GANAB: variants seen among roughly 807,000 people sequenced by gnomAD.
GANAB encodes neutral alpha-glucosidase AB.
In GANAB, 35 loss-of-function variants were observed where a neutral mutation model predicts 129.9. The observed-to-expected ratio is 0.27, with a 90% confidence interval of 0.21 to 0.36. The LOEUF (loss-of-function observed/expected upper bound fraction) is 0.36. Among genes scored for constraint, GANAB ranks in the 10% least tolerant of loss-of-function variants. GANAB has a pLI of 1.00. For synonymous variants in GANAB, 482 were observed against 451.8 expected (o/e 1.07, Z -0.85); for missense variants, 939 against 1,221.0 (o/e 0.77, Z 3.44).
rs144878767 is a variant in GANAB at position 62,645,896 on chromosome 11, G to A, written c.38+666C>T. Among the ~76,000 whole-genome samples, 150 of 152,306 alleles carry A rather than the reference G, an allele frequency of 9.8e-4. 1 individual carries two copies. The East Asian group carries it at 0.022, about 22-fold the overall frequency. On this transcript the variant is annotated intron_variant, in intron 1 of 23. Transcript: ENST00000356638. ...CCTAGTAAACATTTGTGGCACTGGT[G>A]ATATGTTTCGAATCTTTTTTTTTCC...
At chr11:62,629,709 T>C (rs1240504894) in intron 14 of GANAB, 25 bp from the exon 15 acceptor site, 4 of 1,604,420 alleles carry the variant, frequency 2.5e-6, no homozygotes, top group East Asian at 2.2e-5. Context: ...AAGAGACGGG[T>C]AGTGAGGAGC....
In GANAB at chr11:62,646,588, T is replaced by C; in HGVS notation, c.12A>G (p.Val4=). 3 of 1,613,866 alleles carry C rather than the reference T, an allele frequency of 1.9e-6. No individual in the cohort carries two copies. The highest frequency in any genetic ancestry group is 1.7e-6 in the Non-Finnish European group (2 of 1,179,928). Residue 4 remains valine, a synonymous_variant, in exon 1 of 24, where the codon GTA becomes GTG. Transcript: ENST00000356638. ...GCCTCCTACGCGCCGCCACTGCCGC[T>C]ACCGCCGCCATCTTGTGCAGAGTTT... MAA[V]AAVAARRRRS...
chr11:62,632,882 G>T, intron 8 of GANAB, 123 bp downstream of exon 8: 2 of 974,728 alleles, frequency 2.1e-6, no homozygotes, highest in Non-Finnish European at 3.3e-6. Flanking sequence ...ATCACCAAAG[G>T]TGATTCTGGA....
chr11:62,640,228 CAAAAAAAAAAAAA>C (rs869051826), intron 1 of GANAB, among the ~76,000 whole-genome samples: 1 of 28,022 alleles, frequency 3.6e-5, no homozygotes, highest in East Asian at 2.6e-3. Flanking sequence ...CAGAGCTAGA[CAAAAAAAAAAAAA>C]AAAAAAAAAA....
At chr11:62,634,738 C>A in intron 5 of GANAB, 83 bp downstream of exon 5, 1 of 1,158,770 alleles carries the variant, frequency 8.6e-7, no homozygotes, top group Non-Finnish European at 1.3e-6. Flanking sequence ...TGTCCCACCA[C>A]CGTCTCCTCC....
rs1943602878 is a variant in GANAB at position 62,630,252 on chromosome 11, G to A, written c.1538C>T (p.Thr513Ile). ...WPGSAGYPDF[T>I]NPTMRAWWAN... ...CCACCAGGCCCTCATCGTGGGATTA[G>A]TGAAGTCAGGGTAACCAGCTGAGCC... is the stretch of plus-strand genomic sequence containing the variant. Residue 513 changes from threonine to isoleucine, a missense_variant, in exon 13 of 24, where the codon ACT becomes ATT. Transcript: ENST00000356638. The A allele has an allele frequency of 6.2e-7, 1 of 1,613,758 alleles. No homozygotes were observed. The highest frequency in any genetic ancestry group is 8.5e-7 in the Non-Finnish European group (1 of 1,179,762).
At chr11:62,626,500 C>T (rs1943382017) in intron 21 of GANAB, 53 bp from the exon 22 acceptor site, 1 of 1,506,590 alleles carries the variant, frequency 6.6e-7, no homozygotes, top group East Asian at 2.3e-5. Flanking sequence ...GAGTGAGGGG[C>T]ACAACCCCAG....
intron 1 of GANAB, among the ~76,000 whole-genome samples, chr11:62,645,040 A>C (rs1476329040): frequency 1.3e-5 from 2 of 151,916 alleles, no homozygotes; most frequent in Non-Finnish European, 2.9e-5. Context: ...GTACGAAACA[A>C]CTGTTCCACA....
intron 5 of GANAB, chr11:62,634,246 A>C: frequency 8.9e-7 from 1 of 1,119,924 alleles, no homozygotes; most frequent in South Asian, 1.2e-5. Context: ...CTCCCCCCAA[A>C]GGCTAGAGTG....
At chr11:62,632,850 G>T in intron 8 of GANAB, 105 bp from the exon 9 acceptor site, 2 of 1,069,630 alleles carry the variant, frequency 1.9e-6, no homozygotes, top group Non-Finnish European at 2.8e-6. Context: ...GGCTCCTCTT[G>T]TCCTTTCTCA....
intron 17 of GANAB, 48 bp downstream of exon 17, chr11:62,628,720 AC>A: frequency 6.3e-7 from 1 of 1,595,026 alleles, no homozygotes; most frequent in Non-Finnish European, 8.6e-7. Flanking sequence ...AGTCCCTAAT[AC>A]CCCCAGCCAC....
At chr11:62,636,219 G>C (rs1943932701) in intron 4 of GANAB, among the ~76,000 whole-genome samples, 1 of 151,926 alleles carries the variant, frequency 6.6e-6, no homozygotes, top group Non-Finnish European at 1.5e-5. Context: ...TTGTACTCCT[G>C]ACCTCAAGTG....
intron 17 of GANAB, among the ~76,000 whole-genome samples, chr11:62,628,385 G>A (rs1007639113): frequency 6.6e-6 from 1 of 151,598 alleles, no homozygotes; most frequent in African/African-American, 2.4e-5. Flanking sequence ...GCTAATTTTT[G>A]TATTTTTAGT....
At chr11:62,627,379 G>A in intron 17 of GANAB, 26 bp from the exon 18 acceptor site, 1 of 1,370,648 alleles carries the variant, frequency 7.3e-7, no homozygotes, top group Non-Finnish European at 1.0e-6. Flanking sequence ...GACAATAAAG[G>A]AAAACTTTTC....
chr11:62,646,286 G>A (rs555609591), intron 1 of GANAB, among the ~76,000 whole-genome samples: 2 of 152,346 alleles, frequency 1.3e-5, no homozygotes, highest in Non-Finnish European at 2.9e-5. Context: ...GCCAAAGGAG[G>A]GCGGCGGCTG....
At chr11:62,626,780 T>C in intron 20 of GANAB, 80 bp downstream of exon 20, 1 of 1,332,456 alleles carries the variant, frequency 7.5e-7, no homozygotes, top group South Asian at 1.2e-5. Flanking sequence ...ACATAGGTAC[T>C]GGACCCTAAG....
intron 5 of GANAB, 82 bp downstream of exon 5, chr11:62,634,739 C>T (rs1453148380): frequency 1.7e-5 from 20 of 1,162,888 alleles, no homozygotes; most frequent in South Asian, 1.5e-4. Flanking sequence ...GTCCCACCAC[C>T]GTCTCCTCCC....
At chr11:62,645,545 A>G (rs1944442301) in intron 1 of GANAB, among the ~76,000 whole-genome samples, 1 of 152,046 alleles carries the variant, frequency 6.6e-6, no homozygotes, top group Non-Finnish European at 1.5e-5. Flanking sequence ...CTCAAAAAAA[A>G]AAAAAAAAGA....
At chr11:62,639,192 G>A in intron 3 of GANAB, 82 bp from the exon 4 acceptor site, 1 of 1,519,670 alleles carries the variant, frequency 6.6e-7, no homozygotes, top group Middle Eastern at 2.1e-4. Flanking sequence ...TCTCCTAAGG[G>A]GTTTCTTCCT....
Sources: allele counts gnomAD v4.1 joint callset (sites outside exome capture counted in the v4.1 genomes callset), GRCh38; gene constraint gnomAD v4.1.1; transcripts MANE v1.5; gene names NCBI Gene and HGNC (gene_info 2026-07-23, HGNC 2026-07-21).